Variants in PARP8 observed in about 807,000 individuals in gnomAD.
The protein encoded by PARP8 is protein mono-ADP-ribosyltransferase PARP8.
A neutral mutation model predicts 124.1 loss-of-function variants in PARP8; 51 were observed. The observed-to-expected ratio is 0.41, with a 90% CI of 0.33 to 0.52. The LOEUF (loss-of-function observed/expected upper bound fraction) is 0.52. PARP8 is among the 20% of genes least tolerant of loss of function. The pLI is 0.21. For synonymous variants in PARP8, 391 were observed against 361.5 expected, an observed-to-expected ratio of 1.08 and a Z score of -0.93; for missense variants, 860 against 1,018.9, an observed-to-expected ratio of 0.84 and a Z score of 2.12.
In PARP8 at chr5:50,800,791, C is replaced by CTGTCACTCA. The variant is rs1743121679; in HGVS notation, c.1575+3562_1575+3570dup. Among the ~76,000 whole-genome samples, 4 of 146,366 alleles carry CTGTCACTCA rather than the reference C, an allele frequency of 2.7e-5. No homozygotes were observed. The Admixed American group carries it at 2.8e-4, about 10-fold the overall frequency. On this transcript the variant is annotated intron_variant, in intron 14 of 25. Coordinates refer to ENST00000281631, the MANE Select transcript of PARP8 (RefSeq NM_024615.4). ...TTTTTTTTGAAACAGGGGTCTTACT[C>CTGTCACTCA]TGTCACTCATGTTGGAGTGCAGTGG... is the stretch of plus-strand genomic sequence containing the variant.
intron 2 of PARP8, among the ~76,000 whole-genome samples, chr5:50,735,964 C>G (rs984836090): frequency 4.0e-5 from 6 of 150,234 alleles, no homozygotes; most frequent in Non-Finnish European, 1.5e-5. Context: ...ATTCCCCCCC[C>G]CCCTTTTATT....
intron 4 of PARP8, 45 bp from the exon 5 acceptor site, chr5:50,760,247 C>T: frequency 7.3e-7 from 1 of 1,375,842 alleles, no homozygotes; most frequent in South Asian, 1.5e-5. Context: ...TGGTAAATAG[C>T]ATACTAAGTA....
intron 7 of PARP8, among the ~76,000 whole-genome samples, chr5:50,770,533 GAGAGAA>G (rs1761498547): frequency 6.7e-6 from 1 of 148,862 alleles, no homozygotes; most frequent in Admixed American, 6.7e-5. Context: ...AGAAAGAAAA[GAGAGAA>G]AGAGAGAGAG....
Position 50,830,079 on chromosome 5 carries a change from T to C in PARP8, c.2233+118T>C, listed in dbSNP as rs1746776812. 5 of 1,199,878 alleles carry C rather than the reference T, an allele frequency of 4.2e-6. No individual in the cohort carries two copies. In the Middle Eastern group the frequency reaches 8.3e-4, roughly 199 times the overall value. The allele number at this position is 1,199,878 out of a possible 1,614,324, so 74.3% of individuals were successfully genotyped here. A position where few individuals can be genotyped will look rare whatever the true frequency, so the allele number is the denominator to read the frequency against. On this transcript the variant is annotated intron_variant, in intron 22 of 25. Transcript: ENST00000281631. ...TTAGATATATTTTTATTAAATTTGT[T>C]TGCTAAATGTCAAAAGCAAAAACAA...
At chr5:50,833,435 T>A (rs1281755018) in intron 23 of PARP8, 1 of 453,800 alleles carries the variant, frequency 2.2e-6, no homozygotes, top group Non-Finnish European at 4.4e-6. Context: ...AAGTATATTC[T>A]GGGAAAATTA....
rs553977590 is a variant in PARP8, at chr5:50,786,721, C to T, written c.671-1802C>T. 2.0e-5 allele frequency among the ~76,000 whole-genome samples: 3 copies of T among 152,194 alleles called. No individual in the cohort carries two copies. The South Asian group carries it at 6.2e-4, about 32-fold the overall frequency. On this transcript the variant is annotated intron_variant, in intron 9 of 25. Transcript: ENST00000281631. ...ATAGCAGCACTCTGGAATCTTCCAT[C>T]CGCTTGGCCATTCCTCCCCAGCCTT...
chr5:50,812,599 T>C (rs531373298), intron 14 of PARP8, among the ~76,000 whole-genome samples: 2 of 152,274 alleles, frequency 1.3e-5, no homozygotes, highest in African/African-American at 4.8e-5. Flanking sequence ...TTAGTTTAAT[T>C]AGATCCCATT....
At chr5:50,690,147 C>T (rs1404057064) in intron 2 of PARP8, among the ~76,000 whole-genome samples, 2 of 152,192 alleles carry the variant, frequency 1.3e-5, no homozygotes, top group African/African-American at 4.8e-5. Flanking sequence ...TGCCTGAGGC[C>T]ATCCTTCTTC....
chr5:50,668,287 C>T, intron 2 of PARP8, 162 bp downstream of exon 2: 1 of 660,382 alleles, frequency 1.5e-6, no homozygotes, highest in Non-Finnish European at 2.7e-6. Context: ...TTTTAAATAG[C>T]AGGAGGAGGG....
intron 11 of PARP8, 23 bp downstream of exon 11, chr5:50,794,355 AT>A (rs1337630798): frequency 6.2e-7 from 1 of 1,610,250 alleles, no homozygotes; most frequent in Non-Finnish European, 8.5e-7. Context: ...CAACTTCGTC[AT>A]TGTCTTACTG....
At position 50,754,116 on chromosome 5, in the gene PARP8, C is replaced by CATATATATATAT. The variant is rs373375463; in HGVS notation, c.184+3952_184+3963dup. Among the ~76,000 whole-genome samples the CATATATATATAT allele has an allele frequency of 4.9e-3, 312 of 64,296 alleles. 3 individuals are homozygous for CATATATATATAT. The highest frequency in any genetic ancestry group is 9.1e-3 in the African/African-American group (66 of 7,290). 42.2% of individuals were successfully genotyped at this position (64,296 alleles called of 152,430 possible). On this transcript the variant is annotated intron_variant, in intron 3 of 25. Transcript: ENST00000281631. ...GAAGGAATTTGAGTTTGAAAACATT[C>CATATATATATAT]ATATATATATATATATATATATATA...
intron 17 of PARP8, 116 bp from the exon 18 acceptor site, chr5:50,824,792 C>T (rs1336222308): frequency 1.4e-6 from 1 of 731,242 alleles, no homozygotes; most frequent in Non-Finnish European, 2.4e-6. Context: ...CATGTTAAGT[C>T]CATAAATTTT....
In PARP8 at chr5:50,842,657, T is replaced by C. The variant is rs377150531; in HGVS notation, c.*589T>C. On this transcript the variant is annotated 3_prime_UTR_variant, in exon 26 of 26. Coordinates refer to ENST00000281631, the MANE Select transcript of PARP8 (RefSeq NM_024615.4). ...TACATTCATGCATCAAAATGTGTGG[T>C]TGTGAATATATTTGTGTATATTCAC... The C allele has an allele frequency of 1.4e-4, 21 of 151,886 alleles. No homozygotes were observed. The East Asian group carries it at 2.3e-3, about 17-fold the overall frequency. 9.4% of individuals were successfully genotyped at this position (151,886 alleles called of 1,614,324 possible). A position where few individuals can be genotyped will look rare whatever the true frequency, so the allele number is the denominator to read the frequency against.
chr5:50,779,544 T>G (rs115789350), intron 9 of PARP8, among the ~76,000 whole-genome samples: 6,451 of 152,284 alleles, frequency 0.042, 439 homozygotes, highest in African/African-American at 0.15. Flanking sequence ...TTTGGACTTC[T>G]TGTACCATGG....
At chr5:50,828,729 TTATATATA>T in intron 21 of PARP8, among the ~76,000 whole-genome samples, 1 of 146,110 alleles carries the variant, frequency 6.8e-6, no homozygotes, top group Admixed American at 6.9e-5. Context: ...AAAATACAAA[TTATATATA>T]TATATATATA....
chr5:50,727,517 T>C (rs1314255469), intron 2 of PARP8, among the ~76,000 whole-genome samples: 1 of 152,208 alleles, frequency 6.6e-6, no homozygotes, highest in Non-Finnish European at 1.5e-5. Flanking sequence ...AAAATACTTC[T>C]GTTAATGTAC....
At position 50,832,809 on chromosome 5, in the gene PARP8, C is replaced by T. The variant is rs146912638; in HGVS notation, c.2262C>T (p.Ala754=). The part of the protein sequence containing the change: ...SGMNKKQKVS[A]KDEPASSSKS... ...TGAACAAGAAACAGAAGGTGTCAGCCAAGGACGAGCCAGCTTCAAGCAGTA... is the reference window on the plus strand; with the variant it reads ...TGAACAAGAAACAGAAGGTGTCAGCTAAGGACGAGCCAGCTTCAAGCAGTA... The change falls in exon 23 of 26, where the codon GCC becomes GCT. Residue 754 remains alanine, a synonymous_variant. Coordinates refer to ENST00000281631, the MANE Select transcript of PARP8 (RefSeq NM_024615.4). 6.2e-7 allele frequency: 1 copy of T among 1,613,298 alleles called. No individual in the cohort carries two copies. Among genetic ancestry groups the T allele is most frequent in the Non-Finnish European group, 8.5e-7 (1 of 1,179,610 alleles).
chr5:50,791,993 T>A (rs1742010857), intron 10 of PARP8, among the ~76,000 whole-genome samples: 1 of 152,230 alleles, frequency 6.6e-6, no homozygotes, highest in African/African-American at 2.4e-5. Context: ...GCATAGTTTT[T>A]TGAAATCAAC....
intron 9 of PARP8, among the ~76,000 whole-genome samples, chr5:50,787,240 C>T (rs1182695816): frequency 1.3e-5 from 2 of 152,148 alleles, no homozygotes; most frequent in Non-Finnish European, 2.9e-5. Flanking sequence ...GCAATAAGTT[C>T]CTGACTGATT....
Sources: allele counts gnomAD v4.1 joint callset (sites outside exome capture counted in the v4.1 genomes callset), GRCh38; gene constraint gnomAD v4.1.1; transcripts MANE v1.5; gene names NCBI Gene and HGNC (gene_info 2026-07-23, HGNC 2026-07-21).